The following TNS3 variants were observed in gnomAD, a reference collection of about 807,000 sequenced individuals.
TNS3 encodes the protein tensin-3.
Under a neutral mutation model 140.9 loss-of-function variants are expected in TNS3, and 45 were observed. The observed-to-expected ratio is 0.32, with a 90% CI of 0.25 to 0.41. The LOEUF (loss-of-function observed/expected upper bound fraction) is 0.41, where lower values mean the gene tolerates loss of function less well. TNS3 is among the 10% of genes least tolerant of loss of function. The pLI, the probability that TNS3 is intolerant of heterozygous loss-of-function variation, is 1.00. For synonymous variants in TNS3, 815 were observed against 788.4 expected, an observed-to-expected ratio of 1.03 and a Z score of -0.56; for missense variants, 1,716 against 1,906.7, an observed-to-expected ratio of 0.90 and a Z score of 1.86.
intron 17 of TNS3, among the ~76,000 whole-genome samples, chr7:47,352,324 ACACT>A (rs1377808726): frequency 1.3e-5 from 2 of 152,054 alleles, no homozygotes; most frequent in African/African-American, 4.8e-5. Context: ...TCAGTCTTGT[ACACT>A]CACAGACAGC....
At chr7:47,441,247 C>T (rs565149682) in intron 5 of TNS3, among the ~76,000 whole-genome samples, 391 of 152,248 alleles carry the variant, frequency 2.6e-3, no homozygotes, top group Middle Eastern at 0.024. Context: ...GGCGCAATCT[C>T]GGCTTACTGC....
intron 1 of TNS3, among the ~76,000 whole-genome samples, chr7:47,571,733 T>C (rs186261350): frequency 6.6e-6 from 1 of 152,324 alleles, no homozygotes; most frequent in East Asian, 1.9e-4. Flanking sequence ...AAAGCTGAAC[T>C]CAGCACCAAC....
At chr7:47,350,188 C>T (rs1297417856) in intron 17 of TNS3, among the ~76,000 whole-genome samples, 4 of 152,206 alleles carry the variant, frequency 2.6e-5, no homozygotes, top group Non-Finnish European at 4.4e-5. Flanking sequence ...CTGCCCACTT[C>T]CACTGCCTGT....
chr7:47,447,248 A>ATGTATGTT (rs1554331004), intron 4 of TNS3, among the ~76,000 whole-genome samples: 4 of 149,076 alleles, frequency 2.7e-5, no homozygotes, highest in Non-Finnish European at 4.5e-5. Flanking sequence ...GGTTCCACAT[A>ATGTATGTT]TGTTTGTTTG....
intron 17 of TNS3, among the ~76,000 whole-genome samples, chr7:47,350,163 G>A (rs935717442): frequency 6.6e-6 from 1 of 152,152 alleles, no homozygotes; most frequent in African/African-American, 2.4e-5. Context: ...GGGGCCCCAT[G>A]AGCCCTGGGA....
chr7:47,441,231 T>C (rs1795450671), intron 5 of TNS3, among the ~76,000 whole-genome samples: 2 of 152,188 alleles, frequency 1.3e-5, no homozygotes, highest in African/African-American at 2.4e-5. Context: ...CAGGCTGGAA[T>C]GCAGTGGCGC....
rs114291505 is a variant in TNS3, at chr7:47,533,878, G to A, written c.-264-4731C>T. On this transcript the variant is annotated intron_variant, in intron 1 of 30. Coordinates refer to ENST00000311160, the MANE Select transcript of TNS3 (RefSeq NM_022748.12). ...AATGATTGTGAGGCCTCCCCAGCAC[G>A]TGGAACTGTGAGTCCATTAAATCCT... Among the ~76,000 whole-genome samples, 259 of 152,268 alleles carry A rather than the reference G, an allele frequency of 1.7e-3. 2 individuals carry two copies. Among genetic ancestry groups the A allele is most frequent in the African/African-American group, 5.8e-3 (240 of 41,540 alleles).
At chr7:47,494,613 A>G (rs58508727) in intron 3 of TNS3, among the ~76,000 whole-genome samples, 37,950 of 152,116 alleles carry the variant, frequency 0.25, 4,852 homozygotes, top group African/African-American at 0.27. Context: ...AAGAACAGAA[A>G]GGAAGCCTGC....
chr7:47,528,813 G>A lies in TNS3; in HGVS notation c.-153+223C>T, dbSNP rs1392775739. Among the ~76,000 whole-genome samples the A allele has an allele frequency of 3.9e-5, 6 of 152,298 alleles. No individual in the cohort carries two copies. In the South Asian group the frequency reaches 6.2e-4, roughly 16 times the overall value. On this transcript the variant is annotated intron_variant, in intron 2 of 30. Transcript: ENST00000311160. Reference sequence around the variant, plus strand: ...ACAAATTGCTGCCTCCTCTCCCATCGGGAAACTCTGCTCTTTCTGTAAAAA... The same window carrying A: ...ACAAATTGCTGCCTCCTCTCCCATCAGGAAACTCTGCTCTTTCTGTAAAAA...
At chr7:47,306,813 G>C (rs547734542) in intron 20 of TNS3, among the ~76,000 whole-genome samples, 1 of 152,180 alleles carries the variant, frequency 6.6e-6, no homozygotes, top group Non-Finnish European at 1.5e-5. Flanking sequence ...TCCTGAACTC[G>C]TGATCTGCCC....
chr7:47,512,940 C>G (rs1798660645), intron 2 of TNS3, among the ~76,000 whole-genome samples: 1 of 152,108 alleles, frequency 6.6e-6, no homozygotes, highest in African/African-American at 2.4e-5. Context: ...CCAAACATTA[C>G]AACTTTTGCG....
At chr7:47,512,060 C>G (rs983257477) in intron 2 of TNS3, among the ~76,000 whole-genome samples, 1 of 152,368 alleles carries the variant, frequency 6.6e-6, no homozygotes, top group Middle Eastern at 3.4e-3. Flanking sequence ...AACTGCAGCA[C>G]AGAGCGGAAG....
rs146470708 is a variant in TNS3 at position 47,406,586 on chromosome 7, G to A, written c.723+5141C>T. On this transcript the variant is annotated intron_variant, in intron 13 of 30. Transcript: ENST00000311160. The stretch of plus-strand genomic sequence containing the variant: ...GAGGAGGATTAAGGATGGCTACCCC[G>A]CCTGGGAAGCCACTTTCCGCCTTCA... Among the ~76,000 whole-genome samples the A allele has an allele frequency of 2.8e-3, 427 of 152,296 alleles. 1 individual carries two copies. The highest frequency in any genetic ancestry group is 9.6e-3 in the African/African-American group (397 of 41,560).
chr7:47,367,031 G>A (rs1204255879), intron 17 of TNS3, among the ~76,000 whole-genome samples: 1 of 152,214 alleles, frequency 6.6e-6, no homozygotes, highest in Non-Finnish European at 1.5e-5. Context: ...ACGTGCCAAT[G>A]TGGGAGGCCC....
chr7:47,558,095 C>T (rs1800243374), intron 1 of TNS3, among the ~76,000 whole-genome samples: 1 of 152,182 alleles, frequency 6.6e-6, no homozygotes, highest in African/African-American at 2.4e-5. Flanking sequence ...CTCCACTGTC[C>T]ACCCCCATGT....
intron 27 of TNS3, among the ~76,000 whole-genome samples, chr7:47,284,818 A>G (rs1785329450): frequency 6.6e-6 from 1 of 152,254 alleles, no homozygotes; most frequent in Admixed American, 6.5e-5. Flanking sequence ...GTTTTCCCAC[A>G]GTCTACAGCA....
In TNS3 at chr7:47,468,228, G is replaced by T. The variant is rs539527019; in HGVS notation, c.-76+12875C>A. ...TAGGAGGCAGGCAGAATTACCTGAG[G>T]TCAGGAGTTCGAGACCAGCCTGGCC... On this transcript the variant is annotated intron_variant, in intron 4 of 30. Coordinates refer to ENST00000311160, the MANE Select transcript of TNS3 (RefSeq NM_022748.12). Among the ~76,000 whole-genome samples, 3 of 152,134 alleles carry T rather than the reference G, an allele frequency of 2.0e-5. No homozygotes were observed. The East Asian group carries it at 5.8e-4, about 29-fold the overall frequency.
At position 47,369,099 on chromosome 7, in the gene TNS3, C is replaced by T. The variant is rs1790894420; in HGVS notation, c.1547G>A (p.Ser516Asn). Residue 516 changes from serine to asparagine, a missense_variant, in exon 17 of 31, where the codon AGC becomes AAC. Ser to Asn is a conservative substitution (Grantham distance 46). Transcript: ENST00000311160. The stretch of plus-strand genomic sequence containing the variant: ...ACCGTCAGATAGGAGTGAGTTCTGG[C>T]TGCTCTTGTGGCAGGTGAAGGGACC... Reference protein sequence around the residue: ...HLGPFTCHKSSQNSLLSDGFG... With the variant: ...HLGPFTCHKSNQNSLLSDGFG... The T allele has an allele frequency of 6.2e-7, 1 of 1,614,042 alleles. No homozygotes were observed. The highest frequency in any genetic ancestry group is 8.5e-7 in the Non-Finnish European group (1 of 1,180,046).
intron 4 of TNS3, among the ~76,000 whole-genome samples, chr7:47,446,574 A>G (rs1034896603): frequency 1.3e-5 from 2 of 151,368 alleles, no homozygotes; most frequent in African/African-American, 2.4e-5. Flanking sequence ...TGCTCTTATC[A>G]CAGCCTTCAA....
Sources: gnomAD v4.1 joint callset for allele counts (sites outside exome capture counted in the v4.1 genomes callset) on GRCh38, gnomAD v4.1.1 for gene constraint, MANE v1.5 for transcripts, NCBI Gene and HGNC (gene_info 2026-07-23, HGNC 2026-07-21) for gene names.